Variants in DVL1 observed in about 807,000 individuals in gnomAD.
DVL1 encodes the protein dishevelled segment polarity protein 1, also known as segment polarity protein dishevelled homolog DVL-1.
A neutral mutation model predicts 65.0 loss-of-function variants in DVL1; 49 were observed. That is an observed-to-expected ratio of 0.75 (90% CI 0.60 to 0.96). DVL1 has a LOEUF of 0.96. Ranked by LOEUF, DVL1 falls within the 40% of genes least tolerant of loss-of-function variation. DVL1 has a pLI of 0.00. For synonymous variants in DVL1, 608 were observed against 433.9 expected (o/e 1.40, Z -4.99); for missense variants, 1,197 against 1,045.4 (o/e 1.15, Z -2.00).
chr1:1,336,637 G>A (rs1643586310), intron 14 of DVL1, 122 bp from the exon 15 acceptor site: 5 of 1,303,040 alleles, frequency 3.8e-6, no homozygotes, highest in East Asian at 5.7e-5. Context: ...GGTGGGTGGG[G>A]CAGCCATGCA....
chr1:1,341,180 C>T (rs1643808416), intron 5 of DVL1, among the ~76,000 whole-genome samples: 2 of 151,288 alleles, frequency 1.3e-5, no homozygotes, highest in African/African-American at 4.9e-5. Context: ...CACCTGCACA[C>T]ACGCACATCT....
Position 1,340,404 on chromosome 1 carries a change from G to A in DVL1, c.699+6C>T, listed in dbSNP as rs1643754756. 6.2e-7 allele frequency: 1 copy of A among 1,610,674 alleles called. No homozygotes were observed. The highest frequency in any genetic ancestry group is 8.5e-7 in the Non-Finnish European group (1 of 1,179,002). On this transcript the variant is annotated splice_donor_region_variant and intron_variant, in intron 6 of 14. Transcript: ENST00000378888. ...CAGCCCCGCCCTGCTCCACCCGGCT[G>A]CCTACCCGGTCCGCCTGCCGAAGGC...
At chr1:1,340,200 C>A (rs910349918) in intron 7 of DVL1, 23 bp from the exon 8 acceptor site, 4 of 1,613,694 alleles carry the variant, frequency 2.5e-6, no homozygotes, top group Non-Finnish European at 3.4e-6. Flanking sequence ...CCATGAGCCG[C>A]GGCCAAGCCC....
chr1:1,341,842 C>A, intron 4 of DVL1, 37 bp from the exon 5 acceptor site: 1 of 1,539,714 alleles, frequency 6.5e-7, no homozygotes. Flanking sequence ...ACTGCAGGGT[C>A]TCCCAGAGGT....
chr1:1,345,062 C>T (rs906522479), intron 1 of DVL1, among the ~76,000 whole-genome samples: 33 of 152,272 alleles, frequency 2.2e-4, no homozygotes, highest in South Asian at 1.2e-3. Context: ...CACCCAGCAC[C>T]CCAGTACAGC....
intron 5 of DVL1, 98 bp downstream of exon 5, chr1:1,341,559 CGCACACACGT>C (rs1643829362): frequency 7.3e-7 from 1 of 1,368,530 alleles, no homozygotes; most frequent in Non-Finnish European, 9.9e-7. Context: ...TGCACACACA[CGCACACACGT>C]GCAATGTGAA....
chr1:1,347,212 C>A (rs1036558763), intron 1 of DVL1, among the ~76,000 whole-genome samples: 1 of 152,220 alleles, frequency 6.6e-6, no homozygotes, highest in South Asian at 2.1e-4. Flanking sequence ...CAGCCCTGAC[C>A]TCTGCAGCCC....
At chr1:1,342,507 C>G (rs1473017482) in intron 2 of DVL1, 23 bp from the exon 3 acceptor site, 1 of 1,605,028 alleles carries the variant, frequency 6.2e-7, no homozygotes, top group Non-Finnish European at 8.5e-7. Flanking sequence ...CAGGCATGCT[C>G]AGGGGAGCCC....
rs374224183 is a variant in DVL1, at chr1:1,348,339, G to A, written c.170+557C>T. Among the ~76,000 whole-genome samples, 29 of 152,344 alleles carry A rather than the reference G, an allele frequency of 1.9e-4. No individual in the cohort carries two copies. In the East Asian group the frequency reaches 3.5e-3, roughly 18 times the overall value. ...GGCTCAGTGGGGACGGGGCCCACAG[G>A]AAGCTCAGGACACGGGTAGGCGAAT... On this transcript the variant is annotated intron_variant, in intron 1 of 14. Coordinates refer to ENST00000378888, the MANE Select transcript of DVL1 (RefSeq NM_001330311.2).
chr1:1,347,609 A>T (rs1372670396), intron 1 of DVL1, among the ~76,000 whole-genome samples: 2 of 152,224 alleles, frequency 1.3e-5, no homozygotes, highest in Non-Finnish European at 2.9e-5. Flanking sequence ...TCGTTAGAAT[A>T]ATAAACTAAG....
chr1:1,336,581 C>A, intron 14 of DVL1, 66 bp from the exon 15 acceptor site: 1 of 1,463,158 alleles, frequency 6.8e-7, no homozygotes. Flanking sequence ...CCAGAACAAC[C>A]GCCCCCGCCA....
In DVL1 at chr1:1,348,935, G is replaced by C; in HGVS notation, c.131C>G (p.Ala44Gly). The change falls in exon 1 of 15, where the codon GCC (alanine) becomes GGC (glycine). Residue 44 changes from alanine (A) to glycine (G), a missense_variant. Transcript: ENST00000378888. ...KNVLSNRPVH[A>G]YKFFFKSMDQ... ...CATGGACTTAAAGAAGAATTTGTAG[G>C]CGTGCACGGGCCGGTTGCTGAGCAC... The C allele has an allele frequency of 1.3e-6, 2 of 1,573,140 alleles. No homozygotes were observed. Among genetic ancestry groups the C allele is most frequent in the South Asian group, 2.2e-5 (2 of 90,018 alleles).
chr1:1,343,261 C>G (rs1007733216), intron 1 of DVL1, among the ~76,000 whole-genome samples: 7 of 149,784 alleles, frequency 4.7e-5, no homozygotes, highest in African/African-American at 1.2e-4. Context: ...CTTGGAGCCC[C>G]CCCCCCCCAG....
chr1:1,336,099 G>A lies in DVL1; in HGVS notation c.*43C>T, dbSNP rs774094398. The A allele has an allele frequency of 1.0e-5, 16 of 1,553,930 alleles. No individual in the cohort carries two copies. In the East Asian group the frequency reaches 1.2e-4, roughly 11 times the overall value. On this transcript the variant is annotated 3_prime_UTR_variant, in exon 15 of 15. Transcript: ENST00000378888. ...CGCGAGCTCTGCATGCGGCAGGACCGCCAGCTCCCCACCTCAGGCAGGGCT... is the reference window on the plus strand; with the variant it reads ...CGCGAGCTCTGCATGCGGCAGGACCACCAGCTCCCCACCTCAGGCAGGGCT...
intron 1 of DVL1, among the ~76,000 whole-genome samples, chr1:1,343,513 C>T (rs1643878101): frequency 1.3e-5 from 2 of 152,308 alleles, no homozygotes; most frequent in Admixed American, 6.5e-5. Flanking sequence ...GAGCCCAAAT[C>T]CCCCAGCAGC....
rs1643864933 is a variant in DVL1, at chr1:1,342,487, G to A, written c.241-3C>T. ...TGAGCACCCTCAGCCAGGACCAGCTGTGGAGGGAGCAGGCATGCTCAGGGG... is the reference window on the plus strand; with the variant it reads ...TGAGCACCCTCAGCCAGGACCAGCTATGGAGGGAGCAGGCATGCTCAGGGG... On this transcript the variant is annotated splice_polypyrimidine_tract_variant and splice_region_variant and intron_variant, in intron 2 of 14. Coordinates refer to ENST00000378888, the MANE Select transcript of DVL1 (RefSeq NM_001330311.2). 1.2e-6 allele frequency: 2 copies of A among 1,610,136 alleles called. No homozygotes were observed. The highest frequency in any genetic ancestry group is 1.7e-6 in the Non-Finnish European group (2 of 1,179,342).
At chr1:1,342,893 T>C in intron 1 of DVL1, 135 bp from the exon 2 acceptor site, 1 of 802,644 alleles carries the variant, frequency 1.2e-6, no homozygotes, top group Non-Finnish European at 1.9e-6. Context: ...CGCATTCTCC[T>C]CTTGGGAACC....
At chr1:1,344,147 G>A (rs1643885293) in intron 1 of DVL1, among the ~76,000 whole-genome samples, 1 of 152,186 alleles carries the variant, frequency 6.6e-6, no homozygotes, top group Non-Finnish European at 1.5e-5. Context: ...TGAGGGCCCA[G>A]GCAGCAGGCT....
intron 1 of DVL1, among the ~76,000 whole-genome samples, chr1:1,346,818 G>A (rs943974508): frequency 4.6e-5 from 7 of 152,140 alleles, no homozygotes; most frequent in Admixed American, 1.3e-4. Context: ...CTCTTATGAA[G>A]GCCACCCCAG....
Sources: allele counts gnomAD v4.1 joint callset (sites outside exome capture counted in the v4.1 genomes callset), GRCh38; gene constraint gnomAD v4.1.1; transcripts MANE v1.5; gene names NCBI Gene and HGNC (gene_info 2026-07-23, HGNC 2026-07-21).